DNAJC1: variants seen among roughly 807,000 people sequenced by gnomAD.
The protein encoded by DNAJC1 is DnaJ heat shock protein family (Hsp40) member C1.
A neutral mutation model predicts 76.6 loss-of-function variants in DNAJC1; 58 were observed. That is an observed-to-expected ratio of 0.76 (90% CI 0.61 to 0.94). The LOEUF (loss-of-function observed/expected upper bound fraction) is 0.94, where lower values mean the gene tolerates loss of function less well. Among genes scored for constraint, DNAJC1 ranks in the 40% least tolerant of loss-of-function variants. DNAJC1 has a pLI of 0.00. For synonymous variants in DNAJC1, 258 were observed against 267.9 expected, an observed-to-expected ratio of 0.96 and a Z score of 0.36; for missense variants, 689 against 677.3, an observed-to-expected ratio of 1.02 and a Z score of -0.19.
chr10:21,809,343 C>T (rs536486564), intron 8 of DNAJC1, among the ~76,000 whole-genome samples: 1 of 151,806 alleles, frequency 6.6e-6, no homozygotes, highest in African/African-American at 2.4e-5. Flanking sequence ...CTGAAACTCT[C>T]TAATGAGCAA....
intron 8 of DNAJC1, among the ~76,000 whole-genome samples, chr10:21,857,942 T>A (rs1319999426): frequency 6.6e-6 from 1 of 152,168 alleles, no homozygotes; most frequent in African/African-American, 2.4e-5. Flanking sequence ...TGGGTCTATT[T>A]GTGTAAAAAA....
intron 10 of DNAJC1, among the ~76,000 whole-genome samples, chr10:21,761,904 A>G (rs181125126): frequency 1.3e-5 from 2 of 151,844 alleles, no homozygotes; most frequent in African/African-American, 4.8e-5. Context: ...TGAAAACACA[A>G]TTTTTTTTTA....
Position 21,775,795 on chromosome 10 carries a change from C to A in DNAJC1, c.1099-9486G>T, listed in dbSNP as rs554590196. On this transcript the variant is annotated intron_variant, in intron 9 of 11. Coordinates refer to ENST00000376980, the MANE Select transcript of DNAJC1 (RefSeq NM_022365.4). Reference sequence around the variant, plus strand: ...CTCGTCTTGGGAGAAGACATTTATTCCTATATAGGTTTCACACAGATGAGG... The same window carrying A: ...CTCGTCTTGGGAGAAGACATTTATTACTATATAGGTTTCACACAGATGAGG... Among the ~76,000 whole-genome samples the A allele has an allele frequency of 1.2e-3, 179 of 152,078 alleles. 2 individuals are homozygous for A. Among genetic ancestry groups the A allele is most frequent in the African/African-American group, 4.2e-3 (173 of 41,482 alleles).
chr10:21,834,492 G>A (rs912920120), intron 8 of DNAJC1, among the ~76,000 whole-genome samples: 16 of 152,248 alleles, frequency 1.1e-4, no homozygotes, highest in Admixed American at 3.9e-4. Flanking sequence ...TAGGTGCAGC[G>A]CACCGTACGC....
chr10:21,813,132 CTCTT>C (rs1286929898), intron 8 of DNAJC1, among the ~76,000 whole-genome samples: 2 of 130,782 alleles, frequency 1.5e-5, no homozygotes, highest in Non-Finnish European at 3.2e-5. Context: ...TTCTGCCTTG[CTCTT>C]TCTTGGGTTA....
intron 8 of DNAJC1, among the ~76,000 whole-genome samples, chr10:21,853,681 C>G (rs187839632): frequency 6.0e-5 from 9 of 149,390 alleles, no homozygotes; most frequent in Non-Finnish European, 1.3e-4. Context: ...GTAATCCTAG[C>G]TCATCAGGAG....
At chr10:21,790,519 A>AC (rs1452378313) in intron 9 of DNAJC1, among the ~76,000 whole-genome samples, 1 of 151,238 alleles carries the variant, frequency 6.6e-6, no homozygotes, top group Admixed American at 6.6e-5. Flanking sequence ...GCCAAAAAAA[A>AC]AAAAGCCACC....
rs183929076 is a variant in DNAJC1, at chr10:21,759,167, C to T, written c.1596+3G>A. On this transcript the variant is annotated splice_donor_region_variant and intron_variant, in intron 11 of 11. Transcript: ENST00000376980. ...TGCAGAGGCCTCTTTCCCCATCACTCACCTTGCTCTTGGACGGGACACATC... is the reference window on the plus strand; with the variant it reads ...TGCAGAGGCCTCTTTCCCCATCACTTACCTTGCTCTTGGACGGGACACATC... The T allele has an allele frequency of 3.0e-3, 4,870 of 1,610,374 alleles. 17 individuals carry two copies. Among genetic ancestry groups the T allele is most frequent in the Non-Finnish European group, 4.0e-3 (4,661 of 1,177,940 alleles).
chr10:21,939,787 A>G (rs1837373777), intron 1 of DNAJC1, among the ~76,000 whole-genome samples: 2 of 152,078 alleles, frequency 1.3e-5, no homozygotes, highest in African/African-American at 4.8e-5. Context: ...ATTCCATGTA[A>G]TCTTTCTCAC....
At chr10:21,997,559 G>GT (rs1329331598) in intron 1 of DNAJC1, among the ~76,000 whole-genome samples, 3 of 152,140 alleles carry the variant, frequency 2.0e-5, no homozygotes, top group African/African-American at 7.2e-5. Context: ...CTCCAGTAAG[G>GT]TAACTCACAC....
intron 9 of DNAJC1, among the ~76,000 whole-genome samples, chr10:21,783,863 A>C (rs1834568222): frequency 6.6e-6 from 1 of 152,230 alleles, no homozygotes; most frequent in Admixed American, 6.5e-5. Context: ...AGAAAGCTGA[A>C]ACTGGATCCC....
chr10:21,757,212 C>A (rs1307642126), intron 11 of DNAJC1, among the ~76,000 whole-genome samples: 1 of 152,178 alleles, frequency 6.6e-6, no homozygotes, highest in Non-Finnish European at 1.5e-5. Context: ...AGGACACTGG[C>A]AGAACTTGTG....
At chr10:21,988,606 T>G (rs1838283101) in intron 1 of DNAJC1, among the ~76,000 whole-genome samples, 1 of 152,158 alleles carries the variant, frequency 6.6e-6, no homozygotes, top group East Asian at 1.9e-4. Context: ...TCCAATGAAT[T>G]CTAAAATTTT....
intron 10 of DNAJC1, among the ~76,000 whole-genome samples, chr10:21,761,785 G>A (rs1459120255): frequency 6.6e-6 from 1 of 152,056 alleles, no homozygotes; most frequent in Non-Finnish European, 1.5e-5. Context: ...TTCTGTATTA[G>A]CTCACTAAAG....
chr10:21,833,607 G>A (rs1002168703), intron 8 of DNAJC1, among the ~76,000 whole-genome samples: 2 of 152,178 alleles, frequency 1.3e-5, no homozygotes, highest in Admixed American at 6.5e-5. Context: ...TTTCTCCTGT[G>A]TAAAATGAAG....
intron 8 of DNAJC1, among the ~76,000 whole-genome samples, chr10:21,854,477 C>A (rs1772181933): frequency 6.6e-6 from 1 of 151,478 alleles, no homozygotes; most frequent in South Asian, 2.1e-4. Context: ...CTTACCTCTA[C>A]AAAAATAAAA....
intron 8 of DNAJC1, among the ~76,000 whole-genome samples, chr10:21,807,471 A>G (rs1372184498): frequency 6.6e-5 from 10 of 152,190 alleles, no homozygotes; most frequent in African/African-American, 2.4e-4. Context: ...CACCATGTCC[A>G]AATGGCAGCT....
intron 8 of DNAJC1, among the ~76,000 whole-genome samples, chr10:21,876,781 G>T (rs550458997): frequency 2.0e-5 from 3 of 152,146 alleles, no homozygotes; most frequent in Non-Finnish European, 4.4e-5. Flanking sequence ...ACTGACCTTT[G>T]TAGAGCTGTA....
chr10:21,828,082 C>A (rs1835292262), intron 8 of DNAJC1, among the ~76,000 whole-genome samples: 1 of 152,154 alleles, frequency 6.6e-6, no homozygotes, highest in South Asian at 2.1e-4. Flanking sequence ...TCTTTTTCCT[C>A]CATATAATTG....
Sources: allele counts gnomAD v4.1 joint callset (sites outside exome capture counted in the v4.1 genomes callset), GRCh38; gene constraint gnomAD v4.1.1; transcripts MANE v1.5; gene names NCBI Gene and HGNC (gene_info 2026-07-23, HGNC 2026-07-21).